UGT2A1: variants seen among roughly 807,000 people sequenced by gnomAD.
UGT2A1 encodes the protein UDP-glucuronosyltransferase 2A1.
Under a neutral mutation model 45.4 loss-of-function variants are expected in UGT2A1, and 61 were observed. The observed-to-expected ratio is 1.34, with a 90% CI of 1.09 to 1.66. UGT2A1 has a LOEUF of 1.66. Ranked by LOEUF, UGT2A1 falls within the 40% of genes most tolerant of loss-of-function variation. The pLI, the probability that UGT2A1 is intolerant of heterozygous loss-of-function variation, is 0.00. For missense variants in UGT2A1, 649 were observed against 574.3 expected (o/e 1.13, Z -1.33); for synonymous variants, 229 against 196.2 (o/e 1.17, Z -1.40).
intron 2 of UGT2A1, among the ~76,000 whole-genome samples, chr4:69,644,844 T>C (rs1722185263): frequency 6.6e-6 from 1 of 151,780 alleles, no homozygotes; most frequent in Non-Finnish European, 1.5e-5. Context: ...CTGTAGTATC[T>C]CACATCCTCA....
At chr4:69,649,961 C>G (rs1428845323) in intron 1 of UGT2A1, among the ~76,000 whole-genome samples, 1 of 152,004 alleles carries the variant, frequency 6.6e-6, no homozygotes, top group African/African-American at 2.4e-5. Context: ...GAAATTCACA[C>G]CTTTGCAAAT....
At chr4:69,634,357 A>T (rs1176189095) in intron 3 of UGT2A1, among the ~76,000 whole-genome samples, 1 of 152,128 alleles carries the variant, frequency 6.6e-6, no homozygotes, top group Non-Finnish European at 1.5e-5. Context: ...GTGACGAAAG[A>T]TTAACAGAAA....
chr4:69,633,961 C>G (rs1182693659), intron 3 of UGT2A1, among the ~76,000 whole-genome samples: 4 of 151,996 alleles, frequency 2.6e-5, no homozygotes, highest in Non-Finnish European at 5.9e-5. Context: ...ATTTTAAAAA[C>G]CCGGCCGCGC....
intron 1 of UGT2A1, 104 bp downstream of exon 1, chr4:69,653,084 G>A (rs2109987336): frequency 6.6e-6 from 1 of 152,098 alleles, no homozygotes; most frequent in South Asian, 2.1e-4. Flanking sequence ...AAACCAAAAG[G>A]TAAACCAGCG....
intron 1 of UGT2A1, among the ~76,000 whole-genome samples, chr4:69,649,870 C>A (rs538760612): frequency 6.6e-6 from 1 of 152,098 alleles, no homozygotes; most frequent in African/African-American, 2.4e-5. Context: ...CTGACACATG[C>A]GCAGTAAGGA....
chr4:69,606,334 C>G (rs1577960123), intron 3 of UGT2A1, among the ~76,000 whole-genome samples: 1 of 136,582 alleles, frequency 7.3e-6, no homozygotes, highest in South Asian at 2.4e-4. Flanking sequence ...ACATGATTAT[C>G]TCAATAGATG....
chr4:69,639,007 G>C (rs369906858), intron 2 of UGT2A1: 2 of 1,613,048 alleles, frequency 1.2e-6, no homozygotes, highest in Admixed American at 1.7e-5. Flanking sequence ...AAGGTCATCT[G>C]GTCAGTGAGC....
chr4:69,641,979 C>T (rs1722068552), intron 2 of UGT2A1, among the ~76,000 whole-genome samples: 1 of 151,720 alleles, frequency 6.6e-6, no homozygotes, highest in Non-Finnish European at 1.5e-5. Context: ...CACTGACAGA[C>T]TGGGGAATCT....
intron 1 of UGT2A1, among the ~76,000 whole-genome samples, chr4:69,649,927 G>A (rs1217708811): frequency 1.3e-5 from 2 of 152,110 alleles, no homozygotes; most frequent in Non-Finnish European, 2.9e-5. Flanking sequence ...GCATGTGCAT[G>A]AGAGGGAGTG....
In UGT2A1 at chr4:69,606,974, G is replaced by A. The variant is rs1249223557; in HGVS notation, c.848-7580C>T. ...CTCATGGGTAGGAAGAATCAATATC[G>A]AGAAAATGGCCATACTGCCCAAGGT... On this transcript the variant is annotated intron_variant, in intron 3 of 6. Coordinates refer to ENST00000286604, the MANE Select transcript of UGT2A1 (RefSeq NM_001252275.3). Among the ~76,000 whole-genome samples, 7 of 136,138 alleles carry A rather than the reference G, an allele frequency of 5.1e-5. 3 individuals carry two copies. The highest frequency in any genetic ancestry group is 2.4e-4 in the South Asian group (1 of 4,138). 89.3% of individuals were successfully genotyped at this position (136,138 alleles called of 152,430 possible).
At chr4:69,636,831 A>G (rs1389059390) in intron 2 of UGT2A1, among the ~76,000 whole-genome samples, 1 of 152,172 alleles carries the variant, frequency 6.6e-6, no homozygotes, top group Non-Finnish European at 1.5e-5. Context: ...TAACGAATAT[A>G]GTGAAATTTT....
At chr4:69,648,932 C>T (rs1722400033) in intron 1 of UGT2A1, among the ~76,000 whole-genome samples, 1 of 151,986 alleles carries the variant, frequency 6.6e-6, no homozygotes, top group Admixed American at 6.6e-5. Context: ...TGTATCACGT[C>T]CCCTTACCAA....
rs142746516 is a variant in UGT2A1 at position 69,641,419 on chromosome 4, C to A, written c.715+5511G>T. Among the ~76,000 whole-genome samples the A allele has an allele frequency of 5.3e-5, 8 of 151,882 alleles. No homozygotes were observed. In the East Asian group the frequency reaches 1.5e-3, roughly 29 times the overall value. ...CTTTTCCACTGAAGACATGCCCTTG[C>A]CTGAAAGTCTTCTCTTCCGAAGTGC... On this transcript the variant is annotated intron_variant, in intron 2 of 6. Coordinates refer to ENST00000286604, the MANE Select transcript of UGT2A1 (RefSeq NM_001252275.3).
At chr4:69,622,704 T>C (rs1191600221) in intron 3 of UGT2A1, among the ~76,000 whole-genome samples, 1 of 151,798 alleles carries the variant, frequency 6.6e-6, no homozygotes, top group East Asian at 1.9e-4. Context: ...TTCAATTCTA[T>C]ACTTGATGTC....
chr4:69,626,530 A>G (rs1238547519), intron 3 of UGT2A1, among the ~76,000 whole-genome samples: 1 of 151,642 alleles, frequency 6.6e-6, no homozygotes, highest in East Asian at 1.9e-4. Context: ...TTTATTGGGT[A>G]TTATGCTCAC....
intron 3 of UGT2A1, among the ~76,000 whole-genome samples, chr4:69,602,929 G>T (rs1003503735): frequency 7.4e-6 from 1 of 135,032 alleles, no homozygotes; most frequent in African/African-American, 3.0e-5. Context: ...TTAGCCGGGC[G>T]TGGTGGCAGG....
At chr4:69,611,848 T>C (rs942943526) in intron 3 of UGT2A1, among the ~76,000 whole-genome samples, 1 of 152,164 alleles carries the variant, frequency 6.6e-6, no homozygotes, top group South Asian at 2.1e-4. Context: ...GAAAGCCTAA[T>C]GGATTGCCCT....
intron 2 of UGT2A1, chr4:69,639,662 T>C (rs370974531): frequency 3.3e-6 from 5 of 1,522,850 alleles, no homozygotes; most frequent in Non-Finnish European, 4.4e-6. Flanking sequence ...TCCTTCAAGA[T>C]GAAAAAAAAA....
chr4:69,634,235 A>G (rs1721554625), intron 3 of UGT2A1, among the ~76,000 whole-genome samples: 1 of 150,502 alleles, frequency 6.6e-6, no homozygotes, highest in Admixed American at 6.6e-5. Context: ...ACAGAGCGAG[A>G]CTCCATCTCA....
Sources: gnomAD v4.1 joint callset for allele counts (sites outside exome capture counted in the v4.1 genomes callset) on GRCh38, gnomAD v4.1.1 for gene constraint, MANE v1.5 for transcripts, NCBI Gene and HGNC (gene_info 2026-07-23, HGNC 2026-07-21) for gene names.